The following CSRNP3 variants were observed in gnomAD, a reference collection of about 807,000 sequenced individuals.
The protein encoded by CSRNP3 is cysteine/serine-rich nuclear protein 3.
In CSRNP3, 12 loss-of-function variants were observed where a neutral mutation model predicts 48.0. That is an observed-to-expected ratio of 0.25 (90% CI 0.16 to 0.41). The LOEUF (loss-of-function observed/expected upper bound fraction) is 0.41. CSRNP3 is among the 10% of genes least tolerant of loss of function. CSRNP3 has a pLI of 1.00. For missense variants in CSRNP3, 580 were observed against 724.4 expected (o/e 0.80, Z 2.29); for synonymous variants, 263 against 269.7 (o/e 0.98, Z 0.24).
chr2:165,627,301 C>G (rs1048361761), intron 4 of CSRNP3, among the ~76,000 whole-genome samples: 1 of 152,126 alleles, frequency 6.6e-6, no homozygotes, highest in African/African-American at 2.4e-5. Flanking sequence ...CTTGATTTCT[C>G]TATTGTCTCT....
chr2:165,663,704 A>T (rs1316052295), intron 5 of CSRNP3, among the ~76,000 whole-genome samples: 1 of 152,194 alleles, frequency 6.6e-6, no homozygotes, highest in Non-Finnish European at 1.5e-5. Flanking sequence ...AATGTGGGGT[A>T]TATTCAGTGA....
intron 3 of CSRNP3, among the ~76,000 whole-genome samples, chr2:165,581,812 C>T (rs1269535822): frequency 1.3e-5 from 2 of 152,164 alleles, no homozygotes; most frequent in African/African-American, 4.8e-5. Context: ...GCTAGGATTA[C>T]AGGCATGAGC....
intron 4 of CSRNP3, among the ~76,000 whole-genome samples, chr2:165,601,155 G>A (rs1685907942): frequency 1.3e-5 from 2 of 152,290 alleles, no homozygotes; most frequent in South Asian, 4.1e-4. Context: ...CTGTATTGCT[G>A]TGAAACGCTT....
chr2:165,469,711 G>A lies in CSRNP3; in HGVS notation c.-312G>A, dbSNP rs1019179345. The A allele has an allele frequency of 3.3e-5, 5 of 152,256 alleles. No individual in the cohort carries two copies. Among genetic ancestry groups the A allele is most frequent in the African/African-American group, 4.8e-5 (2 of 41,352 alleles). 9.4% of individuals were successfully genotyped at this position (152,256 alleles called of 1,614,324 possible). On this transcript the variant is annotated 5_prime_UTR_variant, in exon 1 of 7. Coordinates refer to ENST00000651982, the MANE Select transcript of CSRNP3 (RefSeq NM_001172173.2). ...TGTACTCTCTTCAGTGTGTTCTGAC[G>A]GAGCCGAAGTACAGAAACCATATTT... is the stretch of plus-strand genomic sequence containing the variant.
intron 4 of CSRNP3, among the ~76,000 whole-genome samples, chr2:165,632,237 A>C (rs911428934): frequency 6.6e-6 from 1 of 152,228 alleles, no homozygotes; most frequent in Non-Finnish European, 1.5e-5. Context: ...AAATAAAGTG[A>C]AGTGCCAGGC....
At chr2:165,642,060 A>T (rs1052939889) in intron 4 of CSRNP3, among the ~76,000 whole-genome samples, 7 of 150,718 alleles carry the variant, frequency 4.6e-5, no homozygotes, top group Non-Finnish European at 8.9e-5. Context: ...ACTCTTTGGG[A>T]TGTTTCTATG....
intron 4 of CSRNP3, among the ~76,000 whole-genome samples, chr2:165,626,662 C>G (rs1686441527): frequency 6.6e-6 from 1 of 152,220 alleles, no homozygotes; most frequent in Non-Finnish European, 1.5e-5. Context: ...TTGCTGCTAC[C>G]TCGTGTTCTG....
chr2:165,543,997 T>A (rs1244188412), intron 3 of CSRNP3, among the ~76,000 whole-genome samples: 2 of 150,542 alleles, frequency 1.3e-5, no homozygotes, highest in East Asian at 1.9e-4. Context: ...TTTGTATATT[T>A]TATATATATA....
intron 3 of CSRNP3, chr2:165,574,450 A>T: frequency 6.6e-7 from 1 of 1,513,740 alleles, no homozygotes; most frequent in Non-Finnish European, 9.0e-7. Flanking sequence ...ACATTTCATG[A>T]TGCGCCTGAT....
In CSRNP3 at chr2:165,686,996, A is replaced by G. The variant is rs911313477; in HGVS notation, c.*7243A>G. On this transcript the variant is annotated 3_prime_UTR_variant, in exon 7 of 7. Coordinates refer to ENST00000651982, the MANE Select transcript of CSRNP3 (RefSeq NM_001172173.2). The stretch of plus-strand genomic sequence containing the variant: ...TGCCCAACAGGAGAGATCGCCATCT[A>G]TTCTTAACATCTCTAGGGAAGGCAG... The G allele has an allele frequency of 6.6e-6, 1 of 152,080 alleles. No homozygotes were observed. Among genetic ancestry groups the G allele is most frequent in the African/African-American group, 2.4e-5 (1 of 41,428 alleles). 9.4% of individuals were successfully genotyped at this position (152,080 alleles called of 1,614,324 possible). A position where few individuals can be genotyped will look rare whatever the true frequency, so the allele number is the denominator to read the frequency against.
intron 3 of CSRNP3, among the ~76,000 whole-genome samples, chr2:165,546,620 G>A (rs1435576643): frequency 6.6e-6 from 1 of 152,250 alleles, no homozygotes; most frequent in South Asian, 2.1e-4. Context: ...TTTTCTGGGG[G>A]TTTTATTTTG....
At chr2:165,554,957 G>A (rs1000843758) in intron 3 of CSRNP3, among the ~76,000 whole-genome samples, 2 of 151,898 alleles carry the variant, frequency 1.3e-5, no homozygotes, top group African/African-American at 4.8e-5. Flanking sequence ...CTTGCTCCTC[G>A]TCTCCAACAC....
chr2:165,505,115 AT>A (rs2105221968), intron 2 of CSRNP3, among the ~76,000 whole-genome samples: 1 of 152,250 alleles, frequency 6.6e-6, no homozygotes, highest in African/African-American at 2.4e-5. Flanking sequence ...GATTGGGGTT[AT>A]AAATTCATTC....
intron 3 of CSRNP3, among the ~76,000 whole-genome samples, chr2:165,555,917 G>A (rs1447912530): frequency 6.6e-6 from 1 of 152,170 alleles, no homozygotes; most frequent in Non-Finnish European, 1.5e-5. Flanking sequence ...ACGGGAAGTG[G>A]AGTCCAGATG....
intron 4 of CSRNP3, among the ~76,000 whole-genome samples, chr2:165,648,031 C>A (rs892458346): frequency 5.3e-5 from 8 of 152,050 alleles, no homozygotes; most frequent in African/African-American, 1.4e-4. Context: ...TAGAGCTGAG[C>A]AAAATTCAGT....
At chr2:165,516,137 T>G (rs1054818938) in intron 2 of CSRNP3, among the ~76,000 whole-genome samples, 13 of 152,102 alleles carry the variant, frequency 8.5e-5, no homozygotes, top group Non-Finnish European at 1.6e-4. Flanking sequence ...AAAGTCTATA[T>G]TCAGTGGACA....
At chr2:165,674,104 C>G (rs1186201026) in intron 5 of CSRNP3, among the ~76,000 whole-genome samples, 1 of 152,020 alleles carries the variant, frequency 6.6e-6, no homozygotes, top group Non-Finnish European at 1.5e-5. Context: ...TGTAATGTTA[C>G]CAACTGCACA....
At chr2:165,651,364 C>A (rs1686899622) in intron 4 of CSRNP3, among the ~76,000 whole-genome samples, 1 of 152,102 alleles carries the variant, frequency 6.6e-6, no homozygotes, top group African/African-American at 2.4e-5. Flanking sequence ...AGAGAAAAAT[C>A]AGTTGAATTT....
At chr2:165,605,697 T>C (rs1231636888) in intron 4 of CSRNP3, among the ~76,000 whole-genome samples, 1 of 152,064 alleles carries the variant, frequency 6.6e-6, no homozygotes, top group East Asian at 1.9e-4. Context: ...AAATAAAAAT[T>C]TAAAAAATTT....
Sources: gnomAD v4.1 joint callset for allele counts (sites outside exome capture counted in the v4.1 genomes callset) on GRCh38, gnomAD v4.1.1 for gene constraint, MANE v1.5 for transcripts, NCBI Gene and HGNC (gene_info 2026-07-23, HGNC 2026-07-21) for gene names.